Variants in ANKRD6 observed in about 807,000 individuals in gnomAD.
ANKRD6 encodes the protein ankyrin repeat domain-containing protein 6.
ANKRD6 carries 56 observed loss-of-function variants against 82.3 expected under a neutral mutation model. The observed-to-expected ratio is 0.68, with a 90% CI of 0.55 to 0.85. The LOEUF (loss-of-function observed/expected upper bound fraction) is 0.85. ANKRD6 is among the 40% of genes least tolerant of loss of function. ANKRD6 has a pLI of 0.00. For synonymous variants in ANKRD6, 347 were observed against 352.1 expected (o/e 0.99, Z 0.16); for missense variants, 852 against 907.6 (o/e 0.94, Z 0.79).
intron 1 of ANKRD6, among the ~76,000 whole-genome samples, chr6:89,544,425 G>A (rs574189685): frequency 6.6e-6 from 1 of 152,292 alleles, no homozygotes; most frequent in South Asian, 2.1e-4. Context: ...CATCAGTGCA[G>A]TGAGTCCTGT....
intron 10 of ANKRD6, among the ~76,000 whole-genome samples, chr6:89,622,879 A>G (rs371306278): frequency 6.6e-6 from 1 of 151,726 alleles, no homozygotes; most frequent in East Asian, 1.9e-4. Context: ...AGGCATTACA[A>G]CTCTGATTAA....
At chr6:89,475,200 TGC>T (rs1554217237) in intron 1 of ANKRD6, among the ~76,000 whole-genome samples, 1 of 152,180 alleles carries the variant, frequency 6.6e-6, no homozygotes, top group Non-Finnish European at 1.5e-5. Flanking sequence ...CATGAATAGA[TGC>T]ATGAAAATAC....
chr6:89,466,429 C>G (rs1295919019), intron 1 of ANKRD6, among the ~76,000 whole-genome samples: 1 of 152,056 alleles, frequency 6.6e-6, no homozygotes, highest in East Asian at 1.9e-4. Flanking sequence ...GAAATTTTGC[C>G]AGCAATACAT....
chr6:89,499,159 G>A (rs983725440), intron 1 of ANKRD6, among the ~76,000 whole-genome samples: 6 of 152,142 alleles, frequency 3.9e-5, no homozygotes, highest in Non-Finnish European at 7.4e-5. Context: ...TGTAACACCC[G>A]GATGTAGAGC....
intron 1 of ANKRD6, among the ~76,000 whole-genome samples, chr6:89,500,650 C>A (rs1779160328): frequency 1.3e-5 from 2 of 152,134 alleles, no homozygotes; most frequent in South Asian, 4.1e-4. Flanking sequence ...ACGCCCTCCT[C>A]CCAGGTCCCT....
intron 9 of ANKRD6, 127 bp from the exon 10 acceptor site, chr6:89,621,795 G>GT: frequency 4.4e-6 from 4 of 907,172 alleles, no homozygotes; most frequent in Non-Finnish European, 5.3e-6. Context: ...CTTGCTTGAT[G>GT]TGAACACCTG....
intron 5 of ANKRD6, among the ~76,000 whole-genome samples, chr6:89,610,589 G>A (rs1799973031): frequency 6.6e-6 from 1 of 151,984 alleles, no homozygotes; most frequent in African/African-American, 2.4e-5. Flanking sequence ...ATTTCTAGAG[G>A]CATCAGATTT....
At chr6:89,624,448 C>T in intron 12 of ANKRD6, 91 bp from the exon 13 acceptor site, 1 of 1,449,114 alleles carries the variant, frequency 6.9e-7, no homozygotes. Context: ...TCTCTATCCC[C>T]TGGTATACTG....
At chr6:89,555,120 GT>G (rs906557875) in intron 1 of ANKRD6, among the ~76,000 whole-genome samples, 5 of 118,778 alleles carry the variant, frequency 4.2e-5, no homozygotes, top group Non-Finnish European at 6.6e-5. Flanking sequence ...CCGCCTCAGC[GT>G]TTTTTTATAT....
chr6:89,534,782 G>A (rs1251018907), intron 1 of ANKRD6, among the ~76,000 whole-genome samples: 2 of 152,214 alleles, frequency 1.3e-5, no homozygotes, highest in African/African-American at 2.4e-5. Flanking sequence ...AACCAGGTAA[G>A]TTCAAGTGGT....
chr6:89,612,285 C>A lies in ANKRD6; in HGVS notation c.431C>A (p.Ala144Asp). Residue 144 changes from alanine to aspartate, a missense_variant, in exon 6 of 16, where the codon GCT (alanine) becomes GAT (aspartate). Physicochemically the swap from Ala to Asp is moderately radical, Grantham distance 126. Transcript: ENST00000339746. ...CCTCTCTCCAAGGCGGGGAACACAGCTCTGCACCTGGCCTGCCAGAACAGC... is the reference window on the plus strand; with the variant it reads ...CCTCTCTCCAAGGCGGGGAACACAGATCTGCACCTGGCCTGCCAGAACAGC... ...VLAKNKAGNT[A>D]LHLACQNSHS... is the part of the protein sequence containing the mutation. 6.4e-7 allele frequency: 1 copy of A among 1,559,142 alleles called. No homozygotes were observed. The highest frequency in any genetic ancestry group is 8.7e-7 in the Non-Finnish European group (1 of 1,151,066).
chr6:89,631,822 CAG>C lies in ANKRD6; in HGVS notation c.*820_*821del, dbSNP rs1292254099. 9 of 152,170 alleles carry C rather than the reference CAG, an allele frequency of 5.9e-5. No individual in the cohort carries two copies. The highest frequency in any genetic ancestry group is 8.8e-5 in the Non-Finnish European group (6 of 68,032). The allele number at this position is 152,170 out of a possible 1,614,324, so 9.4% of individuals were successfully genotyped here. A position where few individuals can be genotyped will look rare whatever the true frequency, so the allele number is the denominator to read the frequency against. On this transcript the variant is annotated 3_prime_UTR_variant, in exon 16 of 16. Coordinates refer to ENST00000339746, the MANE Select transcript of ANKRD6 (RefSeq NM_001242809.2). ...TATTCCTAATCAAACCCAATTATAT[CAG>C]AATACCTTTCTGAATTTGAGATTTT...
At chr6:89,583,520 GGA>G (rs746220000) in intron 2 of ANKRD6, among the ~76,000 whole-genome samples, 3 of 152,146 alleles carry the variant, frequency 2.0e-5, no homozygotes, top group Non-Finnish European at 4.4e-5. Flanking sequence ...GGTGTCCCTA[GGA>G]GATGCTCTTT....
At chr6:89,452,794 A>G (rs1773012936) in intron 1 of ANKRD6, among the ~76,000 whole-genome samples, 1 of 152,192 alleles carries the variant, frequency 6.6e-6, no homozygotes, top group South Asian at 2.1e-4. Flanking sequence ...TTCATGAAAG[A>G]CTGGCAGGTT....
intron 1 of ANKRD6, among the ~76,000 whole-genome samples, chr6:89,489,493 A>T (rs1168637920): frequency 6.6e-6 from 1 of 152,176 alleles, no homozygotes; most frequent in Non-Finnish European, 1.5e-5. Flanking sequence ...ATTTTCCTTA[A>T]ATGTCTCCAC....
At chr6:89,622,104 G>T in intron 10 of ANKRD6, 78 bp downstream of exon 10, 2 of 1,363,142 alleles carry the variant, frequency 1.5e-6, no homozygotes, top group South Asian at 2.6e-5. Context: ...CTTCGGCCAG[G>T]TTCACCTGGT....
chr6:89,546,455 T>C (rs1785105182), intron 1 of ANKRD6, among the ~76,000 whole-genome samples: 1 of 151,524 alleles, frequency 6.6e-6, no homozygotes, highest in East Asian at 1.9e-4. Flanking sequence ...GTGTGATGAT[T>C]GATTGATCGA....
chr6:89,513,571 G>A (rs114883682), intron 1 of ANKRD6, among the ~76,000 whole-genome samples: 235 of 152,270 alleles, frequency 1.5e-3, no homozygotes, highest in African/African-American at 5.4e-3. Flanking sequence ...ACATTCTTAT[G>A]TAGTATGAAC....
intron 1 of ANKRD6, among the ~76,000 whole-genome samples, chr6:89,524,181 T>G (rs1034317821): frequency 6.6e-6 from 1 of 152,076 alleles, no homozygotes; most frequent in Non-Finnish European, 1.5e-5. Context: ...AGTAGCTTTT[T>G]GGGAACAGGT....
Sources: gnomAD v4.1 joint callset for allele counts (sites outside exome capture counted in the v4.1 genomes callset) on GRCh38, gnomAD v4.1.1 for gene constraint, MANE v1.5 for transcripts, NCBI Gene and HGNC (gene_info 2026-07-23, HGNC 2026-07-21) for gene names.